The following AFF1 variants were observed in gnomAD, a reference collection of about 807,000 sequenced individuals.
AFF1 encodes ALF transcription elongation factor 1, also known as AF4/FMR2 family member 1.
A neutral mutation model predicts 121.7 loss-of-function variants in AFF1; 48 were observed. The ratio of observed to expected loss-of-function variants is 0.39; its 90% CI spans 0.31 to 0.50. The LOEUF (loss-of-function observed/expected upper bound fraction) is 0.50. Among genes scored for constraint, AFF1 ranks in the 20% least tolerant of loss-of-function variants. AFF1 has a pLI of 0.76. For synonymous variants in AFF1, 613 were observed against 563.0 expected, an observed-to-expected ratio of 1.09 and a Z score of -1.26; for missense variants, 1,523 against 1,511.7, an observed-to-expected ratio of 1.01 and a Z score of -0.12.
intron 4 of AFF1, among the ~76,000 whole-genome samples, chr4:87,064,868 C>T (rs1721171248): frequency 9.4e-6 from 1 of 105,862 alleles, no homozygotes; most frequent in South Asian, 3.0e-4. Context: ...AGTGAAATTC[C>T]GTCTCAAAAG....
intron 16 of AFF1, among the ~76,000 whole-genome samples, chr4:87,130,595 A>C (rs1479205858): frequency 6.6e-6 from 1 of 152,232 alleles, no homozygotes; most frequent in South Asian, 2.1e-4. Context: ...AAAGGAGGTT[A>C]ATCTATTGGG....
intron 2 of AFF1, among the ~76,000 whole-genome samples, chr4:87,013,041 T>TGTTTTTTTTG (rs201557382): frequency 2.4e-5 from 2 of 83,512 alleles, no homozygotes; most frequent in African/African-American, 1.2e-4. Flanking sequence ...TCTTTTTTTT[T>TGTTTTTTTTG]TTTTTTTTTT....
intron 4 of AFF1, chr4:87,049,705 T>C (rs1731085698): frequency 2.2e-6 from 1 of 456,174 alleles, no homozygotes; most frequent in Non-Finnish European, 4.4e-6. Context: ...GCCCGAGTTC[T>C]CATGCCAGGC....
chr4:87,089,188 A>G (rs932331136), intron 5 of AFF1, among the ~76,000 whole-genome samples: 2 of 152,288 alleles, frequency 1.3e-5, no homozygotes, highest in East Asian at 1.9e-4. Context: ...ATGGTCTCCA[A>G]TGCCATTTTG....
At chr4:87,006,079 G>T (rs574220910) in intron 2 of AFF1, among the ~76,000 whole-genome samples, 2 of 152,266 alleles carry the variant, frequency 1.3e-5, no homozygotes, top group Admixed American at 6.5e-5. Context: ...CAGCATTGTC[G>T]TTTTAGTGCC....
At chr4:86,964,000 T>G (rs951895378) in intron 2 of AFF1, among the ~76,000 whole-genome samples, 92 of 137,598 alleles carry the variant, frequency 6.7e-4, no homozygotes, top group African/African-American at 2.4e-3. Context: ...AATTTTTTTG[T>G]AGACCTGGGA....
chr4:87,016,350 AC>A, intron 2 of AFF1, among the ~76,000 whole-genome samples: 1 of 152,130 alleles, frequency 6.6e-6, no homozygotes, highest in South Asian at 2.1e-4. Context: ...GGAGATCAAG[AC>A]CATCCTGACT....
intron 2 of AFF1, among the ~76,000 whole-genome samples, chr4:86,968,361 C>A (rs1722680093): frequency 6.6e-6 from 1 of 152,102 alleles, no homozygotes; most frequent in Non-Finnish European, 1.5e-5. Context: ...TGGCCTCTGC[C>A]ACCAAGAAAT....
chr4:86,985,164 A>ATGTATTAC (rs1724108671), intron 2 of AFF1, among the ~76,000 whole-genome samples: 6 of 88,570 alleles, frequency 6.8e-5, no homozygotes, highest in East Asian at 4.3e-4. Context: ...AAAATATAAT[A>ATGTATTAC]TATATAATAT....
chr4:86,961,716 C>G (rs764376451), intron 2 of AFF1, among the ~76,000 whole-genome samples: 27 of 151,986 alleles, frequency 1.8e-4, no homozygotes, highest in Non-Finnish European at 3.4e-4. Flanking sequence ...TAGAATCTCC[C>G]CAGTTTGCGT....
intron 15 of AFF1, among the ~76,000 whole-genome samples, chr4:87,127,355 G>T (rs1258295711): frequency 2.2e-4 from 34 of 152,054 alleles, no homozygotes; most frequent in Admixed American, 2.2e-3. Flanking sequence ...GTAGAGACGG[G>T]TTTCATCATG....
chr4:87,132,196 G>T, intron 18 of AFF1, 75 bp from the exon 19 acceptor site: 6 of 1,546,828 alleles, frequency 3.9e-6, no homozygotes, highest in Non-Finnish European at 5.3e-6. Flanking sequence ...TGTTCATTAG[G>T]CTATAAAAGG....
At chr4:87,121,410 A>G (rs963130408) in intron 12 of AFF1, among the ~76,000 whole-genome samples, 29 of 152,148 alleles carry the variant, frequency 1.9e-4, no homozygotes, top group African/African-American at 3.9e-4. Flanking sequence ...ACCCTTTCCT[A>G]CATCCATCCA....
chr4:86,995,946 C>T lies in AFF1; in HGVS notation c.38+47375C>T, dbSNP rs1367659909. Among the ~76,000 whole-genome samples, 7 of 151,142 alleles carry T rather than the reference C, an allele frequency of 4.6e-5. No individual in the cohort carries two copies. The East Asian group carries it at 5.9e-4, about 13-fold the overall frequency. ...GCCGCCCCGTCCGGGATGTGAGGAG[C>T]GTCTCTGCCCGGCCGCCCCGTCTGA... On this transcript the variant is annotated intron_variant, in intron 2 of 20. Coordinates refer to ENST00000395146, the MANE Select transcript of AFF1 (RefSeq NM_001166693.3).
chr4:86,946,636 C>G (rs1720884176), intron 1 of AFF1, among the ~76,000 whole-genome samples: 1 of 152,082 alleles, frequency 6.6e-6, no homozygotes, highest in Non-Finnish European at 1.5e-5. Context: ...AAGCATTCAG[C>G]CAACCCTGGC....
At chr4:87,040,729 C>G (rs1253961992) in intron 2 of AFF1, among the ~76,000 whole-genome samples, 1 of 151,854 alleles carries the variant, frequency 6.6e-6, no homozygotes, top group Non-Finnish European at 1.5e-5. Flanking sequence ...GCCACCACAC[C>G]CAGCTAATTT....
At chr4:87,008,477 CT>C (rs1428415905) in intron 2 of AFF1, among the ~76,000 whole-genome samples, 1 of 152,190 alleles carries the variant, frequency 6.6e-6, no homozygotes, top group Non-Finnish European at 1.5e-5. Context: ...TATATTTCTT[CT>C]TCTCAACACA....
intron 11 of AFF1, among the ~76,000 whole-genome samples, chr4:87,112,680 A>G (rs1342690613): frequency 1.3e-5 from 2 of 152,226 alleles, no homozygotes; most frequent in Non-Finnish European, 2.9e-5. Flanking sequence ...AATTGTCAGC[A>G]GTCTTTCTTC....
chr4:87,095,390 A>G (rs1031454924), intron 8 of AFF1, among the ~76,000 whole-genome samples: 3 of 152,220 alleles, frequency 2.0e-5, no homozygotes, highest in African/African-American at 7.2e-5. Context: ...AAGTGTTGGG[A>G]TTACAGGCGT....
Sources: allele counts gnomAD v4.1 joint callset (sites outside exome capture counted in the v4.1 genomes callset), GRCh38; gene constraint gnomAD v4.1.1; transcripts MANE v1.5; gene names NCBI Gene and HGNC (gene_info 2026-07-23, HGNC 2026-07-21).